Variants in TECRL observed in about 807,000 individuals in gnomAD.
TECRL encodes trans-2,3-enoyl-CoA reductase-like.
In TECRL, 63 loss-of-function variants were observed where a neutral mutation model predicts 52.8. That is an observed-to-expected ratio of 1.19 (90% confidence interval 0.97 to 1.47). The LOEUF (loss-of-function observed/expected upper bound fraction) is 1.47. Ranked by LOEUF, TECRL falls within the 40% of genes most tolerant of loss-of-function variation. The pLI is 0.00. For missense variants in TECRL, 482 were observed against 429.6 expected, an observed-to-expected ratio of 1.12 and a Z score of -1.08; for synonymous variants, 164 against 141.9, an observed-to-expected ratio of 1.16 and a Z score of -1.10.
intron 7 of TECRL, among the ~76,000 whole-genome samples, chr4:64,300,308 C>T (rs1723941673): frequency 6.6e-6 from 1 of 150,490 alleles, no homozygotes; most frequent in East Asian, 1.9e-4. Context: ...ATTTTAAAAG[C>T]ACACTTAAGT....
chr4:64,362,727 C>G (rs1292984491), intron 2 of TECRL, among the ~76,000 whole-genome samples: 1 of 152,010 alleles, frequency 6.6e-6, no homozygotes, highest in Non-Finnish European at 1.5e-5. Flanking sequence ...AAGACCATAA[C>G]CTGCCACCAC....
At chr4:64,322,945 A>G (rs957399524) in intron 3 of TECRL, among the ~76,000 whole-genome samples, 153 bp from the exon 4 acceptor site, 2 of 152,194 alleles carry the variant, frequency 1.3e-5, no homozygotes, top group Non-Finnish European at 2.9e-5. Context: ...CAAAATGTGA[A>G]CAATGCCATT....
intron 1 of TECRL, among the ~76,000 whole-genome samples, chr4:64,404,773 T>C (rs1724597224): frequency 6.6e-6 from 1 of 152,098 alleles, no homozygotes. Flanking sequence ...TGAGAGAATG[T>C]CTTTTTATGT....
rs547907586 is a variant in TECRL, at chr4:64,379,350, A to T, written c.235-4127T>A. Reference sequence around the variant, plus strand: ...GTAGTCATATTTTAAAACAATTTTTATTGATATCTAATAACTATACATATT... The same window carrying T: ...GTAGTCATATTTTAAAACAATTTTTTTTGATATCTAATAACTATACATATT... On this transcript the variant is annotated intron_variant, in intron 1 of 11. Transcript: ENST00000381210. Among the ~76,000 whole-genome samples the T allele has an allele frequency of 7.9e-5, 12 of 152,096 alleles. No individual in the cohort carries two copies. The East Asian group carries it at 2.3e-3, about 29-fold the overall frequency.
intron 1 of TECRL, among the ~76,000 whole-genome samples, chr4:64,388,782 T>C (rs1415775975): frequency 6.6e-6 from 1 of 151,904 alleles, no homozygotes; most frequent in Non-Finnish European, 1.5e-5. Flanking sequence ...TTTTTATTAG[T>C]AATGAAAATT....
rs1023480351 is a variant in TECRL at position 64,379,203 on chromosome 4, A to G, written c.235-3980T>C. Reference sequence around the variant, plus strand: ...TAAATTTTATTTAGAAGTACAGCCTAAAACATTACTGGTCTTTTATTTATG... The same window carrying G: ...TAAATTTTATTTAGAAGTACAGCCTGAAACATTACTGGTCTTTTATTTATG... On this transcript the variant is annotated intron_variant, in intron 1 of 11. Coordinates refer to ENST00000381210, the MANE Select transcript of TECRL (RefSeq NM_001010874.5). Among the ~76,000 whole-genome samples, 4 of 151,062 alleles carry G rather than the reference A, an allele frequency of 2.6e-5. No homozygotes were observed. In the Admixed American group the frequency reaches 2.7e-4, roughly 10 times the overall value.
chr4:64,325,392 A>G (rs1293983456), intron 3 of TECRL, among the ~76,000 whole-genome samples: 2 of 152,188 alleles, frequency 1.3e-5, no homozygotes, highest in African/African-American at 2.4e-5. Context: ...AACTCTTCCA[A>G]TAACACAAAA....
rs531840149 is a variant in TECRL at position 64,355,521 on chromosome 4, G to A, written c.286+19651C>T. ...TATTAAGAATAAGTTAAAACAGGCC[G>A]GGCACCGTGGCTCACGCCTGTAATC... On this transcript the variant is annotated intron_variant, in intron 2 of 11. Transcript: ENST00000381210. Among the ~76,000 whole-genome samples, 12 of 152,074 alleles carry A rather than the reference G, an allele frequency of 7.9e-5. No homozygotes were observed. The East Asian group carries it at 1.2e-3, about 15-fold the overall frequency.
intron 1 of TECRL, among the ~76,000 whole-genome samples, chr4:64,383,177 C>G (rs1317338504): frequency 6.6e-6 from 1 of 152,028 alleles, no homozygotes; most frequent in African/African-American, 2.4e-5. Context: ...TGATGCTTTT[C>G]TCTTGCTGTT....
chr4:64,332,567 T>C (rs187123437), intron 2 of TECRL, among the ~76,000 whole-genome samples: 3 of 152,288 alleles, frequency 2.0e-5, no homozygotes, highest in Admixed American at 2.0e-4. Flanking sequence ...AAAGGTATTA[T>C]AGAGATTCAC....
intron 2 of TECRL, among the ~76,000 whole-genome samples, chr4:64,371,568 A>G (rs1374232024): frequency 6.6e-6 from 1 of 151,564 alleles, no homozygotes; most frequent in Non-Finnish European, 1.5e-5. Flanking sequence ...TTTTCAAAGT[A>G]TTTACATAAA....
rs527299981 is a variant in TECRL at position 64,314,676 on chromosome 4, C to T, written c.523G>A (p.Ala175Thr). 81 of 1,611,926 alleles carry T rather than the reference C, an allele frequency of 5.0e-5. 1 individual carries two copies. In the South Asian group the frequency reaches 8.8e-4, roughly 17 times the overall value. ...ACCACTGGGTGGCGTAATCTTCTAG[C>T]ACTCTCTTTTCCATCATATATACAT... ...IPCIYDGKESARRLRHPVVHL... is the reference protein window; with the variant it reads ...IPCIYDGKESTRRLRHPVVHL... The change falls in exon 5 of 12, where the codon GCT (alanine) becomes ACT (threonine). Residue 175 changes from alanine (A) to threonine (T), a missense_variant. Transcript: ENST00000381210.
At chr4:64,300,337 G>A (rs1225390086) in intron 7 of TECRL, among the ~76,000 whole-genome samples, 7 of 150,390 alleles carry the variant, frequency 4.7e-5, no homozygotes, top group African/African-American at 1.7e-4. Context: ...GCATATAATG[G>A]CACCACAAAA....
chr4:64,375,043 T>A, intron 2 of TECRL, 129 bp downstream of exon 2: 1 of 380,132 alleles, frequency 2.6e-6, no homozygotes, highest in Non-Finnish European at 4.8e-6. Flanking sequence ...AAGCAAACTA[T>A]TGTTCCTGAG....
intron 1 of TECRL, among the ~76,000 whole-genome samples, chr4:64,390,659 C>G (rs1032987689): frequency 1.3e-5 from 2 of 151,610 alleles, no homozygotes; most frequent in African/African-American, 4.8e-5. Context: ...ACTGAGCAGT[C>G]CTCTTATTAA....
chr4:64,291,063 T>G (rs1271659469), intron 8 of TECRL, among the ~76,000 whole-genome samples: 1 of 152,148 alleles, frequency 6.6e-6, no homozygotes, highest in Admixed American at 6.6e-5. Flanking sequence ...TGGGCTTTTG[T>G]GGCATGAACC....
intron 8 of TECRL, chr4:64,299,137 A>G (rs1343842282): frequency 2.0e-5 from 3 of 151,200 alleles, no homozygotes; most frequent in African/African-American, 7.2e-5. Context: ...TTCAAAGCCA[A>G]CACAGTGGAG....
At chr4:64,311,517 T>C (rs1397250036) in intron 5 of TECRL, among the ~76,000 whole-genome samples, 1 of 152,296 alleles carries the variant, frequency 6.6e-6, no homozygotes, top group East Asian at 1.9e-4. Context: ...TAATAAAATT[T>C]TTTTGTTTTA....
chr4:64,373,231 A>G (rs1722107684), intron 2 of TECRL, among the ~76,000 whole-genome samples: 1 of 151,750 alleles, frequency 6.6e-6, no homozygotes, highest in South Asian at 2.1e-4. Flanking sequence ...TTGAAATAAT[A>G]TTAAAATAAA....
Sources: allele counts gnomAD v4.1 joint callset (sites outside exome capture counted in the v4.1 genomes callset), GRCh38; gene constraint gnomAD v4.1.1; transcripts MANE v1.5; gene names NCBI Gene and HGNC (gene_info 2026-07-23, HGNC 2026-07-21).